HUWE1: variants seen among roughly 807,000 people sequenced by gnomAD.
HUWE1 encodes the protein HECT, UBA and WWE domain containing E3 ubiquitin protein ligase 1, also known as E3 ubiquitin-protein ligase HUWE1.
Under a neutral mutation model 299.4 loss-of-function variants are expected in HUWE1, and 18 were observed. The observed-to-expected ratio is 0.06, with a 90% CI of 0.04 to 0.09. HUWE1 has a LOEUF of 0.09. HUWE1 is among the 10% of genes least tolerant of loss of function. The probability of loss-of-function intolerance (pLI) is 1.00; values close to 1 mark genes in which losing one functional copy is unlikely to be tolerated. For missense variants in HUWE1, 1,832 were observed against 3,462.3 expected, an observed-to-expected ratio of 0.53 and a Z score of 11.82; for synonymous variants, 1,317 against 1,286.1, an observed-to-expected ratio of 1.02 and a Z score of -0.51.
intron 3 of HUWE1, among the ~76,000 whole-genome samples, chrX:53,666,478 A>T (rs944103838): frequency 5.4e-5 from 6 of 111,775 alleles, no homozygotes; most frequent in Non-Finnish European, 1.1e-4. Flanking sequence ...AAAGTCTCAT[A>T]AATTGAAGTT....
At chrX:53,544,009 G>A in intron 72 of HUWE1, 41 bp from the exon 73 acceptor site, 1 of 1,098,082 alleles carries the variant, frequency 9.1e-7, no homozygotes. Context: ...ATAAAATATA[G>A]GAAGAGGGAA....
intron 83 of HUWE1, chrX:53,533,674 T>G (rs2060868035): frequency 2.3e-6 from 1 of 436,277 alleles, no homozygotes; most frequent in African/African-American, 2.5e-5. Context: ...AGTGCAAACT[T>G]GAAGGTGGTT....
intron 17 of HUWE1, among the ~76,000 whole-genome samples, chrX:53,626,901 C>T (rs2066544735): frequency 9.0e-6 from 1 of 111,137 alleles, no homozygotes; most frequent in African/African-American, 3.3e-5. Context: ...CCCCTGGGCT[C>T]AAGTGATGTG....
chrX:53,554,925 C>T lies in HUWE1; in HGVS notation c.8207-5G>A, dbSNP rs782311172. ...TGTCAGGCATAGGCGTCCCATCTTT[C>T]TCGGAAAGAACAATAATAGTGGTTA... On this transcript the variant is annotated splice_polypyrimidine_tract_variant and splice_region_variant and intron_variant, in intron 60 of 83. Transcript: ENST00000262854. 8.6e-7 allele frequency: 1 copy of T among 1,160,431 alleles called. No homozygotes were observed. Among genetic ancestry groups the T allele is most frequent in the Non-Finnish European group, 1.2e-6 (1 of 868,280 alleles).
intron 47 of HUWE1, among the ~76,000 whole-genome samples, chrX:53,573,067 C>T (rs2062911350): frequency 9.0e-6 from 1 of 111,526 alleles, no homozygotes; most frequent in Non-Finnish European, 1.9e-5. Flanking sequence ...ACCCATTTTC[C>T]TCCAACTTCA....
rs781962529 is a variant in HUWE1 at position 53,538,697 on chromosome X, TAC to T, written c.11878+136_11878+137del. On this transcript the variant is annotated intron_variant, in intron 76 of 83. Coordinates refer to ENST00000262854, the MANE Select transcript of HUWE1 (RefSeq NM_031407.7). ...GTTTACGTGCACGGGTGTGTGTATG[TAC>T]ACACACACACACACACACACACACA... The T allele has an allele frequency of 0.15, 46,191 of 313,570 alleles. 149 individuals carry two copies. The highest frequency in any genetic ancestry group is 0.2 in the Middle Eastern group (217 of 1,088). 25.8% of individuals were successfully genotyped at this position (313,570 alleles called of 1,213,427 possible). A position where few individuals can be genotyped will look rare whatever the true frequency, so the allele number is the denominator to read the frequency against.
Position 53,549,469 on chromosome X carries a change from G to C in HUWE1, c.9525C>G (p.Leu3175=), listed in dbSNP as rs375219631. Residue 3175 remains leucine (L), a synonymous_variant, in exon 67 of 84, where the codon CTC becomes CTG. Transcript: ENST00000262854. ...SGSNVDTLLR[L]RGRLLLDHEA... is the part of the protein sequence containing the mutation. ...CGTGGTCCAGAAGGAGCCGTCCTCG[G>C]AGGCGGAGGAGAGTATCTACATTAC... 8.3e-7 allele frequency: 1 copy of C among 1,207,864 alleles called. No homozygotes were observed. The highest frequency in any genetic ancestry group is 1.1e-6 in the Non-Finnish European group (1 of 895,050).
At chrX:53,664,872 T>C (rs1225008500) in intron 3 of HUWE1, among the ~76,000 whole-genome samples, 2 of 111,311 alleles carry the variant, frequency 1.8e-5, no homozygotes, top group African/African-American at 6.5e-5. Context: ...CACCACATAA[T>C]TGTCAGGCCT....
Position 53,538,438 on chromosome X carries a change from C to G in HUWE1, c.11895G>C (p.Val3965=). The G allele has an allele frequency of 7.5e-6, 9 of 1,199,567 alleles. No homozygotes were observed. The highest frequency in any genetic ancestry group is 1.0e-5 in the Non-Finnish European group (9 of 884,716). Residue 3965 remains valine (V), a synonymous_variant, in exon 77 of 84, where the codon GTG becomes GTC. Coordinates refer to ENST00000262854, the MANE Select transcript of HUWE1 (RefSeq NM_031407.7). ...TGGACTGCCGTAGGATCTGGTTTAA[C>G]ACAGTGCGGTGAGTCTCTGAGGGGA... The part of the protein sequence containing the change: ...FLRFAETHRT[V]LNQILRQSTT...
intron 19 of HUWE1, among the ~76,000 whole-genome samples, chrX:53,617,860 C>T (rs2065888662): frequency 8.9e-6 from 1 of 111,813 alleles, no homozygotes; most frequent in South Asian, 3.7e-4. Flanking sequence ...CCGTTTTTGT[C>T]TGCTTTTAAC....
chrX:53,566,908 G>A lies in HUWE1; in HGVS notation c.6708-1669C>T, dbSNP rs1242769603. Among the ~76,000 whole-genome samples, 21 of 109,169 alleles carry A rather than the reference G, an allele frequency of 1.9e-4. No individual in the cohort carries two copies. In the Admixed American group the frequency reaches 1.9e-3, roughly 10 times the overall value. 94.8% of individuals were successfully genotyped at this position (109,169 alleles called of 115,157 possible). A position where few individuals can be genotyped will look rare whatever the true frequency, so the allele number is the denominator to read the frequency against. On this transcript the variant is annotated intron_variant, in intron 49 of 83. Transcript: ENST00000262854. ...ATCAAGCCTGGATTCATCAAAACAG[G>A]AAAATGTCATAAAAAAAAAAAATGT...
At chrX:53,681,557 G>C (rs2070151066) in intron 2 of HUWE1, among the ~76,000 whole-genome samples, 1 of 111,830 alleles carries the variant, frequency 8.9e-6, no homozygotes, top group Non-Finnish European at 1.9e-5. Flanking sequence ...AGAGCCAGCA[G>C]TAATTTGCTA....
chrX:53,622,897 G>T (rs2066239413), intron 19 of HUWE1, among the ~76,000 whole-genome samples: 1 of 112,089 alleles, frequency 8.9e-6, no homozygotes. Flanking sequence ...ATCATTTGGG[G>T]AGCTAAAATA....
At chrX:53,634,986 C>T (rs2067113712) in intron 7 of HUWE1, among the ~76,000 whole-genome samples, 1 of 111,157 alleles carries the variant, frequency 9.0e-6, no homozygotes, top group Non-Finnish European at 1.9e-5. Context: ...AGAGCATTAA[C>T]GTATTTTTAT....
Position 53,603,588 on chromosome X carries a change from A to C in HUWE1, c.2743-87T>G, listed in dbSNP as rs984832173. ...AAAATTGACCTTCAACAGTTTTATA[A>C]GGGTAAGGGATTTTTCTTCATTGCT... On this transcript the variant is annotated intron_variant, in intron 26 of 83. Coordinates refer to ENST00000262854, the MANE Select transcript of HUWE1 (RefSeq NM_031407.7). The C allele has an allele frequency of 2.6e-5, 24 of 912,773 alleles. No homozygotes were observed. The African/African-American group carries it at 4.5e-4, about 17-fold the overall frequency. 75.2% of individuals were successfully genotyped at this position (912,773 alleles called of 1,213,427 possible). A position where few individuals can be genotyped will look rare whatever the true frequency, so the allele number is the denominator to read the frequency against.
chrX:53,565,060 T>A lies in HUWE1; in HGVS notation c.6880+7A>T. ...ACCTCTCCAGTCCATTGGCTCTGAT[T>A]CCCTACCTGGGTCCTGCTGGTTGCT... On this transcript the variant is annotated splice_region_variant and intron_variant, in intron 50 of 83. Coordinates refer to ENST00000262854, the MANE Select transcript of HUWE1 (RefSeq NM_031407.7). 1 of 1,209,345 alleles carries A rather than the reference T, an allele frequency of 8.3e-7. No individual in the cohort carries two copies. The highest frequency in any genetic ancestry group is 3.0e-5 in the East Asian group (1 of 33,853).
intron 68 of HUWE1, 82 bp from the exon 69 acceptor site, chrX:53,546,907 G>A (rs1002005311): frequency 2.1e-5 from 23 of 1,094,093 alleles, no homozygotes; most frequent in Non-Finnish European, 2.8e-5. Flanking sequence ...AGGAATCGCT[G>A]AATTGCCCAG....
rs150265571 is a variant in HUWE1, at chrX:53,645,337, G to A, written c.478C>T (p.Leu160=). The change falls in exon 7 of 84, where the codon CTA becomes TTA. Residue 160 remains leucine (L), a synonymous_variant. Transcript: ENST00000262854. ...TCTGCCAAATGTTGTAGCCGAGTTA[G>A]CAGCGGGGTCCTCTTGTCAGATCCC... ...RLGSDKRTPL[L]TRLQHLAESW... 2.5e-6 allele frequency: 3 copies of A among 1,211,116 alleles called. No individual in the cohort carries two copies. The highest frequency in any genetic ancestry group is 3.4e-6 in the Non-Finnish European group (3 of 895,287).
In HUWE1 at chrX:53,549,553, C is replaced by T. The variant is rs1204158985; in HGVS notation, c.9489-48G>A. 6.6e-6 allele frequency: 7 copies of T among 1,066,703 alleles called. No individual in the cohort carries two copies. The African/African-American group carries it at 1.3e-4, about 20-fold the overall frequency. 87.9% of individuals were successfully genotyped at this position (1,066,703 alleles called of 1,213,427 possible). A position where few individuals can be genotyped will look rare whatever the true frequency, so the allele number is the denominator to read the frequency against. On this transcript the variant is annotated intron_variant, in intron 66 of 83. Transcript: ENST00000262854. Reference sequence around the variant, plus strand: ...GGGTAACACTTCAGTGGCTAGAGCTCTGGGATTAGGCATAAGAATGGGGGA... The same window carrying T: ...GGGTAACACTTCAGTGGCTAGAGCTTTGGGATTAGGCATAAGAATGGGGGA...
Sources: gnomAD v4.1 joint callset for allele counts (sites outside exome capture counted in the v4.1 genomes callset) on GRCh38, gnomAD v4.1.1 for gene constraint, MANE v1.5 for transcripts, NCBI Gene and HGNC (gene_info 2026-07-23, HGNC 2026-07-21) for gene names.